The following R3HCC1L variants were observed in gnomAD, a reference collection of about 807,000 sequenced individuals.
R3HCC1L encodes R3H domain and coiled-coil containing 1 like.
A neutral mutation model predicts 59.9 loss-of-function variants in R3HCC1L; 51 were observed. That is an observed-to-expected ratio of 0.85 (90% CI 0.68 to 1.07). R3HCC1L has a LOEUF of 1.07. R3HCC1L is among the 50% of genes least tolerant of loss of function. The pLI, the probability that R3HCC1L is intolerant of heterozygous loss-of-function variation, is 0.00. For synonymous variants in R3HCC1L, 322 were observed against 315.2 expected (o/e 1.02, Z -0.23); for missense variants, 965 against 933.0 (o/e 1.03, Z -0.45).
At chr10:98,160,902 A>G (rs1847355672) in intron 2 of R3HCC1L, among the ~76,000 whole-genome samples, 2 of 152,072 alleles carry the variant, frequency 1.3e-5, no homozygotes, top group Admixed American at 1.3e-4. Context: ...TTTGTCTTTC[A>G]TTCTTACACA....
chr10:98,180,708 G>A (rs566525797), intron 4 of R3HCC1L, among the ~76,000 whole-genome samples: 2 of 152,160 alleles, frequency 1.3e-5, no homozygotes, highest in Non-Finnish European at 2.9e-5. Context: ...AGGTCTCTAA[G>A]TACTTGCTTT....
At chr10:98,139,680 G>A (rs1564976667) in intron 1 of R3HCC1L, among the ~76,000 whole-genome samples, 1 of 152,216 alleles carries the variant, frequency 6.6e-6, no homozygotes, top group Non-Finnish European at 1.5e-5. Flanking sequence ...TTACTTAGCA[G>A]CAGTAAGCCT....
intron 8 of R3HCC1L, 65 bp from the exon 9 acceptor site, chr10:98,235,959 T>C: frequency 6.7e-7 from 1 of 1,502,270 alleles, no homozygotes; most frequent in Admixed American, 2.0e-5. Flanking sequence ...CTGAGTTAAA[T>C]CACTTGAAGC....
intron 4 of R3HCC1L, 65 bp from the exon 5 acceptor site, chr10:98,208,036 A>G (rs1264498428): frequency 4.2e-6 from 6 of 1,421,606 alleles, no homozygotes; most frequent in Non-Finnish European, 5.6e-6. Flanking sequence ...AAAAGAAAAA[A>G]GAAAATATTT....
chr10:98,178,113 G>A (rs1415722017), intron 4 of R3HCC1L, among the ~76,000 whole-genome samples: 6 of 152,026 alleles, frequency 3.9e-5, no homozygotes, highest in Non-Finnish European at 5.9e-5. Flanking sequence ...AAATGCTTTT[G>A]GTGTTTTAGT....
rs1319138861 is a variant in R3HCC1L at position 98,208,444 on chromosome 10, C to G, written c.330C>G (p.Thr110=). The G allele has an allele frequency of 1.9e-6, 3 of 1,613,904 alleles. No homozygotes were observed. Among genetic ancestry groups the G allele is most frequent in the Non-Finnish European group, 2.5e-6 (3 of 1,180,006 alleles). The stretch of plus-strand genomic sequence containing the variant: ...ATAGAGTTTGTTCTAAGAGAGGAAC[C>G]ACTGAATCCAAAGAAGTATTATCCC... ...KTNRVCSKRG[T]TESKEVLSQG... The change falls in exon 5 of 10, where the codon ACC becomes ACG. Residue 110 remains threonine (T), a synonymous_variant. Coordinates refer to ENST00000298999, the MANE Select transcript of R3HCC1L (RefSeq NM_001351015.2).
At chr10:98,181,415 G>T (rs1189061895) in intron 4 of R3HCC1L, among the ~76,000 whole-genome samples, 2 of 152,154 alleles carry the variant, frequency 1.3e-5, no homozygotes, top group African/African-American at 2.4e-5. Context: ...TTCCCTTTGT[G>T]GGTAATCCGA....
At chr10:98,225,126 C>T (rs965586017) in intron 5 of R3HCC1L, among the ~76,000 whole-genome samples, 6 of 152,204 alleles carry the variant, frequency 3.9e-5, no homozygotes, top group African/African-American at 1.4e-4. Context: ...TCAATTTGAC[C>T]TAGCCACATT....
chr10:98,170,155 C>CAT (rs1369707446), intron 4 of R3HCC1L, among the ~76,000 whole-genome samples: 2 of 152,098 alleles, frequency 1.3e-5, no homozygotes, highest in African/African-American at 4.8e-5. Flanking sequence ...ATATTGTGAG[C>CAT]ATATACTCGG....
intron 6 of R3HCC1L, among the ~76,000 whole-genome samples, chr10:98,233,534 G>A (rs1261934417): frequency 2.6e-5 from 4 of 152,072 alleles, no homozygotes; most frequent in Non-Finnish European, 5.9e-5. Context: ...CAACTCTGTG[G>A]GGAACATACT....
At chr10:98,156,857 T>C (rs1289376012) in intron 2 of R3HCC1L, among the ~76,000 whole-genome samples, 1 of 152,230 alleles carries the variant, frequency 6.6e-6, no homozygotes, top group Non-Finnish European at 1.5e-5. Context: ...TGGTAACTTT[T>C]TACTATAGTT....
chr10:98,208,183 AG>A lies in R3HCC1L; in HGVS notation c.70del (p.Ala24LeufsTer24). On this transcript the variant is annotated frameshift_variant, in exon 5 of 10. Transcript: ENST00000298999. LOFTEE classifies it high-confidence loss of function. ...RPDMALYVPK[A>X]RRGAVLLKTG... ...CTGACATGGCACTTTATGTACCTAA[AG>A]CTCGTAGGGGTGCAGTACTCCTTAA... The A allele has an allele frequency of 6.2e-7, 1 of 1,613,984 alleles. No homozygotes were observed. The highest frequency in any genetic ancestry group is 8.5e-7 in the Non-Finnish European group (1 of 1,179,968).
chr10:98,153,217 T>C (rs574922263), intron 1 of R3HCC1L, among the ~76,000 whole-genome samples: 45 of 152,300 alleles, frequency 3.0e-4, no homozygotes, highest in African/African-American at 1.1e-3. Flanking sequence ...TGTTGCTGTG[T>C]CTGTGTAGAA....
chr10:98,231,374 A>G, intron 5 of R3HCC1L, 138 bp from the exon 6 acceptor site: 1 of 763,146 alleles, frequency 1.3e-6, no homozygotes, highest in Non-Finnish European at 2.1e-6. Flanking sequence ...TGTGAGTAGA[A>G]TTAATACAGA....
At chr10:98,177,701 T>A (rs754154702) in intron 4 of R3HCC1L, among the ~76,000 whole-genome samples, 2 of 152,194 alleles carry the variant, frequency 1.3e-5, no homozygotes, top group Non-Finnish European at 2.9e-5. Context: ...TGTTGTTTCC[T>A]GACTTTTTAA....
intron 9 of R3HCC1L, among the ~76,000 whole-genome samples, chr10:98,240,873 T>C (rs966487921): frequency 1.3e-5 from 2 of 151,940 alleles, no homozygotes; most frequent in African/African-American, 4.8e-5. Context: ...TGTCAATTGC[T>C]GTTTAATAAA....
intron 4 of R3HCC1L, among the ~76,000 whole-genome samples, chr10:98,206,234 CT>C (rs1852634421): frequency 1.2e-5 from 1 of 84,402 alleles, no homozygotes; most frequent in Admixed American, 1.5e-4. Context: ...TATTTTGGGG[CT>C]TTTATTGACC....
intron 6 of R3HCC1L, among the ~76,000 whole-genome samples, chr10:98,233,629 A>G (rs1035989887): frequency 1.3e-5 from 2 of 152,208 alleles, no homozygotes; most frequent in African/African-American, 4.8e-5. Context: ...CCCTGAGTCC[A>G]TGAGCATTTT....
At position 98,234,463 on chromosome 10, in the gene R3HCC1L, T is replaced by C. The variant is rs1272252061; in HGVS notation, c.1979T>C (p.Ile660Thr). The C allele has an allele frequency of 6.2e-7, 1 of 1,613,344 alleles. No homozygotes were observed. Residue 660 changes from isoleucine (I) to threonine (T), a missense_variant, in exon 7 of 10, where the codon ATT becomes ACT. Coordinates refer to ENST00000298999, the MANE Select transcript of R3HCC1L (RefSeq NM_001351015.2). ...TGTTGCAGAAAGAAAGGATTTGATATTAAATGGGTGGATGATACACATGCC... is the reference window on the plus strand; with the variant it reads ...TGTTGCAGAAAGAAAGGATTTGATACTAAATGGGTGGATGATACACATGCC... ...FCSYQKKGFD[I>T]KWVDDTHALG...
Sources: allele counts gnomAD v4.1 joint callset (sites outside exome capture counted in the v4.1 genomes callset), GRCh38; gene constraint gnomAD v4.1.1; transcripts MANE v1.5; gene names NCBI Gene and HGNC (gene_info 2026-07-23, HGNC 2026-07-21).